Variants in NFYC observed in about 807,000 individuals in gnomAD.
NFYC encodes the protein CAAT box DNA-binding protein subunit C.
In NFYC, 25 loss-of-function variants were observed where a neutral mutation model predicts 53.1. That is an observed-to-expected ratio of 0.47 (90% CI 0.34 to 0.66). The LOEUF (loss-of-function observed/expected upper bound fraction) is 0.66, where lower values mean the gene tolerates loss of function less well. NFYC is among the 30% of genes least tolerant of loss of function. The probability of loss-of-function intolerance (pLI) is 0.01; values close to 1 mark genes in which losing one functional copy is unlikely to be tolerated. For synonymous variants in NFYC, 145 were observed against 152.6 expected, an observed-to-expected ratio of 0.95 and a Z score of 0.37; for missense variants, 260 against 422.7, an observed-to-expected ratio of 0.62 and a Z score of 3.38.
chr1:40,771,513 CT>C lies in NFYC; in HGVS notation c.*689del. Reference sequence around the variant, plus strand: ...CTTTGTGTGTTTGCTGCCCACCTCCCTTTTATTTTTTAAATGCATTAAAAAC... The same window carrying C: ...CTTTGTGTGTTTGCTGCCCACCTCCCTTTATTTTTTAAATGCATTAAAAAC... On this transcript the variant is annotated 3_prime_UTR_variant, in exon 10 of 10. Transcript: ENST00000447388. 8.8e-6 allele frequency: 4 copies of C among 453,724 alleles called. No homozygotes were observed. The highest frequency in any genetic ancestry group is 1.6e-5 in the South Asian group (1 of 61,762). 28.1% of individuals were successfully genotyped at this position (453,724 alleles called of 1,614,324 possible). A position where few individuals can be genotyped will look rare whatever the true frequency, so the allele number is the denominator to read the frequency against.
intron 1 of NFYC, chr1:40,735,896 A>T: frequency 2.9e-6 from 1 of 348,722 alleles, no homozygotes. Flanking sequence ...ATAAATAACT[A>T]AACTTCTCTA....
chr1:40,696,543 C>T lies in NFYC; in HGVS notation c.-9+4676C>T, dbSNP rs939514243. Among the ~76,000 whole-genome samples, 3 of 152,198 alleles carry T rather than the reference C, an allele frequency of 2.0e-5. No homozygotes were observed. In the East Asian group the frequency reaches 5.8e-4, roughly 29 times the overall value. ...ATGCAAGGGCAGAGCCAAATCTTGCCCAGATCACTGGATTTCCAGATAGGT... is the reference window on the plus strand; with the variant it reads ...ATGCAAGGGCAGAGCCAAATCTTGCTCAGATCACTGGATTTCCAGATAGGT... On this transcript the variant is annotated intron_variant, in intron 1 of 9. Transcript: ENST00000447388.
chr1:40,743,138 A>G (rs187965338), intron 2 of NFYC, among the ~76,000 whole-genome samples: 6 of 152,370 alleles, frequency 3.9e-5, no homozygotes, highest in African/African-American at 4.8e-5. Context: ...GCTAGATGAT[A>G]TATTTCATGA....
chr1:40,744,782 C>T (rs1460908437), intron 2 of NFYC, among the ~76,000 whole-genome samples: 14 of 152,218 alleles, frequency 9.2e-5, no homozygotes, highest in Non-Finnish European at 7.3e-5. Flanking sequence ...ATGTTACTCA[C>T]TTCAGTTACA....
At chr1:40,767,184 A>G (rs897799186) in intron 8 of NFYC, 18 of 549,834 alleles carry the variant, frequency 3.3e-5, no homozygotes, top group Non-Finnish European at 5.3e-5. Context: ...ATTGATGGCT[A>G]TGAGTCACAG....
intron 5 of NFYC, 57 bp from the exon 6 acceptor site, chr1:40,758,064 G>A (rs1463065301): frequency 7.5e-6 from 12 of 1,591,824 alleles, no homozygotes; most frequent in Non-Finnish European, 5.2e-6. Flanking sequence ...GAAATTCACT[G>A]TGGCGGCTGC....
intron 7 of NFYC, among the ~76,000 whole-genome samples, chr1:40,764,416 G>C (rs549572065): frequency 1.3e-5 from 2 of 152,300 alleles, no homozygotes; most frequent in South Asian, 4.1e-4. Flanking sequence ...GTGTGCTTAC[G>C]ATACCCAGGA....
chr1:40,753,708 C>T (rs1223698176), intron 5 of NFYC, among the ~76,000 whole-genome samples: 4 of 152,146 alleles, frequency 2.6e-5, no homozygotes, highest in African/African-American at 9.7e-5. Context: ...CTAGAATCAC[C>T]TGTTGGGGTT....
intron 1 of NFYC, among the ~76,000 whole-genome samples, chr1:40,718,100 A>C (rs1474043879): frequency 6.6e-6 from 1 of 152,230 alleles, no homozygotes. Flanking sequence ...TCTAAACTCC[A>C]TGATTATTTT....
intron 1 of NFYC, among the ~76,000 whole-genome samples, chr1:40,729,820 C>T (rs952074411): frequency 3.3e-5 from 5 of 151,878 alleles, no homozygotes; most frequent in African/African-American, 9.7e-5. Context: ...GGATTACAGG[C>T]GCCCACTACC....
chr1:40,733,620 G>A (rs931275558), intron 1 of NFYC, among the ~76,000 whole-genome samples: 1 of 151,492 alleles, frequency 6.6e-6, no homozygotes, highest in Non-Finnish European at 1.5e-5. Context: ...CCAGGCTGGA[G>A]TGCAGTGGTG....
At chr1:40,746,011 C>T (rs1645589621) in intron 2 of NFYC, among the ~76,000 whole-genome samples, 1 of 152,068 alleles carries the variant, frequency 6.6e-6, no homozygotes, top group Non-Finnish European at 1.5e-5. Flanking sequence ...GCCTGGCCTA[C>T]ATGTGTATTT....
chr1:40,768,131 C>T (rs1332247724), intron 8 of NFYC, among the ~76,000 whole-genome samples: 1 of 152,158 alleles, frequency 6.6e-6, no homozygotes. Context: ...AGTAGGTGCT[C>T]AGTAAATGTT....
chr1:40,696,900 A>G, intron 1 of NFYC, among the ~76,000 whole-genome samples: 1 of 152,212 alleles, frequency 6.6e-6, no homozygotes, highest in East Asian at 1.9e-4. Context: ...CTACAAGGTC[A>G]TTTTAGTGTT....
At position 40,770,677 on chromosome 1, in the gene NFYC, T is replaced by C; in HGVS notation, c.889-32T>C. The C allele has an allele frequency of 6.2e-7, 1 of 1,614,008 alleles. No homozygotes were observed. Among genetic ancestry groups the C allele is most frequent in the African/African-American group, 1.3e-5 (1 of 74,978 alleles). On this transcript the variant is annotated intron_variant, in intron 9 of 9. Transcript: ENST00000447388. This position sits in a 1 kb window ranked among gnomAD's most constrained non-coding sequence, Gnocchi z 5.3. ...GAGCTGCATGCCCCTCTCCCAGGGA[T>C]GACCTCACTCTCTCCTCTCCACCCC...
chr1:40,770,278 AAAG>A lies in NFYC; in HGVS notation c.889-427_889-425del, dbSNP rs541479762. On this transcript the variant is annotated intron_variant, in intron 9 of 9. Transcript: ENST00000447388. This position sits in a 1 kb window ranked among gnomAD's most constrained non-coding sequence, Gnocchi z 5.3. Reference sequence around the variant, plus strand: ...TCAACCTGAGCCAGATATTCTGAGAAAAGAAGGAGAGGAGGGGGTAATCCTACT... The same window carrying A: ...TCAACCTGAGCCAGATATTCTGAGAAAAGGAGAGGAGGGGGTAATCCTACT... The A allele has an allele frequency of 3.1e-5, 30 of 971,056 alleles. No homozygotes were observed. The Middle Eastern group carries it at 7.7e-4, about 25-fold the overall frequency. The allele number at this position is 971,056 out of a possible 1,614,324, so 60.2% of individuals were successfully genotyped here.
At chr1:40,716,264 A>T (rs1340771192) in intron 1 of NFYC, among the ~76,000 whole-genome samples, 1 of 152,208 alleles carries the variant, frequency 6.6e-6, no homozygotes, top group Non-Finnish European at 1.5e-5. Flanking sequence ...AATTCAGAGG[A>T]GGGGAGACGT....
At chr1:40,705,612 T>C (rs1643658118) in intron 1 of NFYC, among the ~76,000 whole-genome samples, 1 of 152,252 alleles carries the variant, frequency 6.6e-6, no homozygotes, top group South Asian at 2.1e-4. Context: ...TGTGGTTTGT[T>C]ACTGGTTAAA....
intron 2 of NFYC, among the ~76,000 whole-genome samples, chr1:40,743,654 A>G (rs566478433): frequency 2.0e-5 from 3 of 152,318 alleles, no homozygotes; most frequent in Non-Finnish European, 2.9e-5. Flanking sequence ...TAACATTACA[A>G]TCAAATCAGA....
Sources: allele counts gnomAD v4.1 joint callset (sites outside exome capture counted in the v4.1 genomes callset), GRCh38; gene constraint gnomAD v4.1.1; non-coding constraint Gnocchi (gnomAD v3.1); transcripts MANE v1.5; gene names NCBI Gene and HGNC (gene_info 2026-07-23, HGNC 2026-07-21).